The following VPS50 variants were observed in gnomAD, a reference collection of about 807,000 sequenced individuals.
The protein encoded by VPS50 is syndetin.
A neutral mutation model predicts 139.7 loss-of-function variants in VPS50; 70 were observed. That is an observed-to-expected ratio of 0.50 (90% CI 0.41 to 0.61). The LOEUF (loss-of-function observed/expected upper bound fraction) is 0.61, where lower values mean the gene tolerates loss of function less well. Among genes scored for constraint, VPS50 ranks in the 20% least tolerant of loss-of-function variants. VPS50 has a pLI of 0.00. For missense variants in VPS50, 921 were observed against 1,133.7 expected (o/e 0.81, Z 2.69); for synonymous variants, 365 against 376.7 (o/e 0.97, Z 0.36).
chr7:93,333,453 G>A (rs1226651307), intron 21 of VPS50, among the ~76,000 whole-genome samples: 3 of 151,852 alleles, frequency 2.0e-5, no homozygotes, highest in Non-Finnish European at 2.9e-5. Context: ...TTTTCCAAAT[G>A]CCTTTAACTA....
rs1271741912 is a variant in VPS50 at position 93,356,138 on chromosome 7, G to T, written c.2775+58G>T. 4.8e-6 allele frequency: 4 copies of T among 830,162 alleles called. No individual in the cohort carries two copies. The African/African-American group carries it at 7.0e-5, about 14-fold the overall frequency. 51.4% of individuals were successfully genotyped at this position (830,162 alleles called of 1,614,324 possible). On this transcript the variant is annotated intron_variant, in intron 27 of 27. Coordinates refer to ENST00000305866, the MANE Select transcript of VPS50 (RefSeq NM_017667.4). ...ATTCCTTTTTCTTTGTGCTGTTCTTGTTGGGTGTGTTATTTAATTCAAAAT... is the reference window on the plus strand; with the variant it reads ...ATTCCTTTTTCTTTGTGCTGTTCTTTTTGGGTGTGTTATTTAATTCAAAAT...
At chr7:93,305,794 C>T (rs1797096903) in intron 17 of VPS50, 34 bp from the exon 18 acceptor site, 2 of 1,557,312 alleles carry the variant, frequency 1.3e-6, no homozygotes, top group African/African-American at 1.4e-5. Flanking sequence ...TTTATTGTTG[C>T]TAAAGGGTAT....
chr7:93,314,831 C>T (rs1051254454), intron 20 of VPS50, among the ~76,000 whole-genome samples: 17 of 152,052 alleles, frequency 1.1e-4, no homozygotes, highest in Non-Finnish European at 2.4e-4. Context: ...TTCATTAGGA[C>T]ATTCTTTTCA....
chr7:93,357,113 G>C (rs1042783197), intron 27 of VPS50, among the ~76,000 whole-genome samples: 2 of 152,156 alleles, frequency 1.3e-5, no homozygotes, highest in Non-Finnish European at 1.5e-5. Context: ...GTTAAACCTA[G>C]ATGCAGATAG....
chr7:93,277,855 A>G (rs1796205367), intron 12 of VPS50, among the ~76,000 whole-genome samples: 1 of 151,976 alleles, frequency 6.6e-6, no homozygotes, highest in Admixed American at 6.6e-5. Context: ...ATATGTTCTT[A>G]CTTTGATAGT....
At chr7:93,334,878 T>G (rs116736503) in intron 22 of VPS50, among the ~76,000 whole-genome samples, 2,751 of 152,134 alleles carry the variant, frequency 0.018, 88 homozygotes, top group African/African-American at 0.063. Context: ...AGCCGGAAAT[T>G]TATGTTATTC....
chr7:93,308,684 T>C (rs575573782), intron 18 of VPS50, 140 bp from the exon 19 acceptor site: 1 of 431,134 alleles, frequency 2.3e-6, no homozygotes, highest in Non-Finnish European at 4.2e-6. Context: ...ATTAGATTCT[T>C]GGTGACAACA....
chr7:93,313,917 T>C (rs1184730659), intron 20 of VPS50, among the ~76,000 whole-genome samples: 2 of 152,208 alleles, frequency 1.3e-5, no homozygotes, highest in Non-Finnish European at 2.9e-5. Flanking sequence ...TTATATCTTC[T>C]CATTTAGGAC....
At chr7:93,232,744 G>C (rs950646524) in intron 1 of VPS50, among the ~76,000 whole-genome samples, 7 of 152,076 alleles carry the variant, frequency 4.6e-5, no homozygotes, top group Admixed American at 1.3e-4. Flanking sequence ...AAGGAATCAG[G>C]GTATCTTTGT....
At chr7:93,294,354 GT>G (rs1479119675) in intron 13 of VPS50, among the ~76,000 whole-genome samples, 190 bp from the exon 14 acceptor site, 2 of 151,968 alleles carry the variant, frequency 1.3e-5, no homozygotes, top group Admixed American at 6.6e-5. Flanking sequence ...CATAGTCTAC[GT>G]TTATTTGTCT....
chr7:93,241,361 G>C (rs1794984843), intron 2 of VPS50, among the ~76,000 whole-genome samples: 2 of 152,102 alleles, frequency 1.3e-5, no homozygotes, highest in Admixed American at 1.3e-4. Context: ...GGGTGGAGTG[G>C]CCAGTCTGGG....
At chr7:93,276,129 T>C (rs1455978848) in intron 11 of VPS50, 36 bp from the exon 12 acceptor site, 1 of 1,503,786 alleles carries the variant, frequency 6.6e-7, no homozygotes, top group Non-Finnish European at 8.9e-7. Context: ...ATTTTAATAA[T>C]GTGAAATTAT....
chr7:93,344,971 C>T (rs1348316518), intron 23 of VPS50, among the ~76,000 whole-genome samples: 1 of 152,026 alleles, frequency 6.6e-6, no homozygotes, highest in Non-Finnish European at 1.5e-5. Flanking sequence ...CAAGAAATAA[C>T]TAAAATCAGA....
At chr7:93,247,594 A>G (rs1334406009) in intron 2 of VPS50, among the ~76,000 whole-genome samples, 2 of 151,888 alleles carry the variant, frequency 1.3e-5, no homozygotes, top group Non-Finnish European at 2.9e-5. Flanking sequence ...TTCTGTTTGC[A>G]TCACCCTCAT....
At position 93,293,760 on chromosome 7, in the gene VPS50, G is replaced by A. The variant is rs528811745; in HGVS notation, c.1076-785G>A. Among the ~76,000 whole-genome samples the A allele has an allele frequency of 3.5e-4, 53 of 152,192 alleles. No individual in the cohort carries two copies. The South Asian group carries it at 0.011, about 30-fold the overall frequency. On this transcript the variant is annotated intron_variant, in intron 13 of 27. Coordinates refer to ENST00000305866, the MANE Select transcript of VPS50 (RefSeq NM_017667.4). ...TTCAGGTGCACTGCCTTAGGCTGCT[G>A]GATCCCTAACAGCCATACCATGGGT...
At chr7:93,346,515 A>C (rs1282608304) in intron 23 of VPS50, among the ~76,000 whole-genome samples, 1 of 152,218 alleles carries the variant, frequency 6.6e-6, no homozygotes, top group Non-Finnish European at 1.5e-5. Context: ...CTGCATCGCC[A>C]AGTCCATCCT....
At chr7:93,323,995 A>G (rs143054871) in intron 21 of VPS50, among the ~76,000 whole-genome samples, 445 of 152,346 alleles carry the variant, frequency 2.9e-3, no homozygotes, top group African/African-American at 0.01. Context: ...TATTTTGGCA[A>G]TGAAAAATGT....
At chr7:93,232,684 T>G (rs1482045115) in intron 1 of VPS50, among the ~76,000 whole-genome samples, 184 bp downstream of exon 1, 1 of 152,112 alleles carries the variant, frequency 6.6e-6, no homozygotes, top group Non-Finnish European at 1.5e-5. Flanking sequence ...GGAGCACTGC[T>G]CCAGCGGGTA....
chr7:93,281,896 A>G lies in VPS50; in HGVS notation c.942+5591A>G, dbSNP rs575883053. Among the ~76,000 whole-genome samples the G allele has an allele frequency of 8.5e-5, 13 of 152,258 alleles. No homozygotes were observed. In the South Asian group the frequency reaches 2.7e-3, roughly 32 times the overall value. On this transcript the variant is annotated intron_variant, in intron 12 of 27. Coordinates refer to ENST00000305866, the MANE Select transcript of VPS50 (RefSeq NM_017667.4). ...CAAACTGTTTTATAACTTTTTTGCC[A>G]CTTGCTACATTATAAACAATTTTTC...
Sources: allele counts gnomAD v4.1 joint callset (sites outside exome capture counted in the v4.1 genomes callset), GRCh38; gene constraint gnomAD v4.1.1; transcripts MANE v1.5; gene names NCBI Gene and HGNC (gene_info 2026-07-23, HGNC 2026-07-21).